The following SLFNL1 variants were observed in gnomAD, a reference collection of about 807,000 sequenced individuals.
SLFNL1 encodes schlafen like 1.
In SLFNL1, 26 loss-of-function variants were observed where a neutral mutation model predicts 32.5. That is an observed-to-expected ratio of 0.80 (90% confidence interval 0.59 to 1.11). The LOEUF is 1.11. Ranked by LOEUF, SLFNL1 falls within the 50% of genes least tolerant of loss-of-function variation. The probability of loss-of-function intolerance (pLI) is 0.00; values close to 1 mark genes in which losing one functional copy is unlikely to be tolerated. For missense variants in SLFNL1, 553 were observed against 546.5 expected (o/e 1.01, Z -0.12); for synonymous variants, 255 against 242.2 (o/e 1.05, Z -0.49).
Position 41,015,996 on chromosome 1 carries a change from C to G in SLFNL1, c.*110G>C. 1 of 1,424,600 alleles carries G rather than the reference C, an allele frequency of 7.0e-7. No individual in the cohort carries two copies. The allele number at this position is 1,424,600 out of a possible 1,614,324, so 88.2% of individuals were successfully genotyped here. A position where few individuals can be genotyped will look rare whatever the true frequency, so the allele number is the denominator to read the frequency against. ...GTGCCATGTTGAAGGAGTCCCTGTC[C>G]GCCTCTCAGCAGCCCGCATGGGCTT... On this transcript the variant is annotated 3_prime_UTR_variant, in exon 6 of 6. Transcript: ENST00000302946.
Position 41,020,687 on chromosome 1 carries a change from C to A in SLFNL1, c.-27G>T. The A allele has an allele frequency of 6.3e-7, 1 of 1,591,658 alleles. No homozygotes were observed. The highest frequency in any genetic ancestry group is 8.6e-7 in the Non-Finnish European group (1 of 1,165,486). On this transcript the variant is annotated 5_prime_UTR_variant, in exon 3 of 6. Transcript: ENST00000302946. ...GGAAGGCTCTCCCTGGGAAGGGGTTCCAGGATTCCTCACTGCTGGCTGCTT... is the reference window on the plus strand; with the variant it reads ...GGAAGGCTCTCCCTGGGAAGGGGTTACAGGATTCCTCACTGCTGGCTGCTT...
rs1643843801 is a variant in SLFNL1, at chr1:41,021,678, A to G, written c.-181T>C. 1 of 152,260 alleles carries G rather than the reference A, an allele frequency of 6.6e-6. No individual in the cohort carries two copies. Among genetic ancestry groups the G allele is most frequent in the African/African-American group, 2.4e-5 (1 of 41,456 alleles). The allele number at this position is 152,260 out of a possible 1,614,324, so 9.4% of individuals were successfully genotyped here. On this transcript the variant is annotated 5_prime_UTR_variant, in exon 1 of 6. An upstream start codon of the reference 5' UTR is lost. Transcript: ENST00000302946. ...TGGGAGGTGCCTGCCCTGAGCTCCCATAGCCTCCCGACCCCTGGCCGGTAG... is the reference window on the plus strand; with the variant it reads ...TGGGAGGTGCCTGCCCTGAGCTCCCGTAGCCTCCCGACCCCTGGCCGGTAG...
At position 41,017,957 on chromosome 1, in the gene SLFNL1, A is replaced by G; in HGVS notation, c.635T>C (p.Leu212Pro). Residue 212 changes from leucine to proline, a missense_variant, in exon 4 of 6, where the codon CTC becomes CCC. By Grantham distance (98) the Leu-to-Pro change is moderately conservative. Coordinates refer to ENST00000302946, the MANE Select transcript of SLFNL1 (RefSeq NM_144990.4). This position sits in a 1 kb window ranked among gnomAD's most constrained non-coding sequence, Gnocchi z 4.9. Reference sequence around the variant, plus strand: ...GCTGCCCAGGAAGGCACCCTGGAAGAGCTGGTCCTTGCCCACGATCTGCTG... The same window carrying G: ...GCTGCCCAGGAAGGCACCCTGGAAGGGCTGGTCCTTGCCCACGATCTGCTG... Reference protein sequence around the residue: ...VHQQIVGKDQLFQGAFLGSET... With the variant: ...VHQQIVGKDQPFQGAFLGSET... 1 of 1,611,944 alleles carries G rather than the reference A, an allele frequency of 6.2e-7. No homozygotes were observed.
At chr1:41,018,572 C>T (rs969321383) in intron 3 of SLFNL1, among the ~76,000 whole-genome samples, 2 of 152,172 alleles carry the variant, frequency 1.3e-5, no homozygotes, top group Admixed American at 1.3e-4. Context: ...GCTGCAGTAC[C>T]CTGAATGGAG....
Position 41,020,262 on chromosome 1 carries a change from T to C in SLFNL1, c.399A>G (p.Leu133=), listed in dbSNP as rs1558208721. 1 of 1,610,084 alleles carries C rather than the reference T, an allele frequency of 6.2e-7. No individual in the cohort carries two copies. Among genetic ancestry groups the C allele is most frequent in the Admixed American group, 1.7e-5 (1 of 59,854 alleles). Residue 133 remains leucine (L), a synonymous_variant, in exon 3 of 6, where the codon CTA becomes CTG. Coordinates refer to ENST00000302946, the MANE Select transcript of SLFNL1 (RefSeq NM_144990.4). ...KELAARGKDL[L]LSEAQGPFSH... ...TGAAGGGCCCTTGGGCCTCACTCAA[T>C]AGCAGGTCCTTCCCACGGGCTGCCA... is the stretch of plus-strand genomic sequence containing the variant.
In SLFNL1 at chr1:41,017,085, G is replaced by A. The variant is rs917574890; in HGVS notation, c.1101+149C>T. The stretch of plus-strand genomic sequence containing the variant: ...CACCTACCCGCGGAGTATGGGATGT[G>A]GTGTGATTGTATTCCAACCCCTTGG... On this transcript the variant is annotated intron_variant, in intron 5 of 5. Coordinates refer to ENST00000302946, the MANE Select transcript of SLFNL1 (RefSeq NM_144990.4). This position sits in a 1 kb window ranked among gnomAD's most constrained non-coding sequence, Gnocchi z 4.9. 55 of 924,890 alleles carry A rather than the reference G, an allele frequency of 5.9e-5. No individual in the cohort carries two copies. The highest frequency in any genetic ancestry group is 6.9e-5 in the Non-Finnish European group (44 of 639,744). 57.3% of individuals were successfully genotyped at this position (924,890 alleles called of 1,614,324 possible).
intron 3 of SLFNL1, 81 bp downstream of exon 3, chr1:41,020,145 C>G: frequency 7.1e-6 from 10 of 1,410,306 alleles, no homozygotes; most frequent in Non-Finnish European, 9.6e-6. Context: ...CCCCTCCATC[C>G]CCACTCTGCA....
Position 41,020,688 on chromosome 1 carries a change from C to T in SLFNL1, c.-28G>A, listed in dbSNP as rs1487331936. On this transcript the variant is annotated 5_prime_UTR_variant, in exon 3 of 6. Transcript: ENST00000302946. ...GAAGGCTCTCCCTGGGAAGGGGTTCCAGGATTCCTCACTGCTGGCTGCTTC... is the reference window on the plus strand; with the variant it reads ...GAAGGCTCTCCCTGGGAAGGGGTTCTAGGATTCCTCACTGCTGGCTGCTTC... The T allele has an allele frequency of 6.3e-7, 1 of 1,589,604 alleles. No individual in the cohort carries two copies. Among genetic ancestry groups the T allele is most frequent in the South Asian group, 1.1e-5 (1 of 88,808 alleles).
Position 41,017,475 on chromosome 1 carries a change from G to A in SLFNL1, c.958-98C>T, listed in dbSNP as rs1643442042. ...CAGCATTGCTCACTGATTCCTTAGGGCAGGCCAGCAGGGCTGGCACAGGGG... is the reference window on the plus strand; with the variant it reads ...CAGCATTGCTCACTGATTCCTTAGGACAGGCCAGCAGGGCTGGCACAGGGG... On this transcript the variant is annotated intron_variant, in intron 4 of 5. Transcript: ENST00000302946. The surrounding 1 kb of genome is among the most constrained non-coding windows in gnomAD (Gnocchi z 4.9). The A allele has an allele frequency of 6.6e-7, 1 of 1,516,422 alleles. No homozygotes were observed. 93.9% of individuals were successfully genotyped at this position (1,516,422 alleles called of 1,614,324 possible). A position where few individuals can be genotyped will look rare whatever the true frequency, so the allele number is the denominator to read the frequency against.
chr1:41,020,562 G>C lies in SLFNL1; in HGVS notation c.99C>G (p.Ser33=), dbSNP rs1397920661. ...CCTCGAGGTCAGAGTACTCCGTCAG[G>C]GACTGCTCTGCGGGTAGCTCCGGCA... ...ESLPELPAEQ[S]LTEYSDLEEA... is the part of the protein sequence containing the mutation. Residue 33 remains serine, a synonymous_variant, in exon 3 of 6, where the codon TCC becomes TCG. Coordinates refer to ENST00000302946, the MANE Select transcript of SLFNL1 (RefSeq NM_144990.4). 6.2e-7 allele frequency: 1 copy of C among 1,613,496 alleles called. No homozygotes were observed. The highest frequency in any genetic ancestry group is 1.3e-5 in the African/African-American group (1 of 75,050).
rs761697983 is a variant in SLFNL1 at position 41,020,400 on chromosome 1, C to T, written c.261G>A (p.Arg87=). Residue 87 remains arginine, a synonymous_variant, in exon 3 of 6, where the codon AGG becomes AGA. Transcript: ENST00000302946. ...PVAREHIEVV[R]RPRKAYALVQ... is the part of the protein sequence containing the mutation. ...CCAGTGCATAGGCCTTCCGCGGCCG[C>T]CTCACCACTTCAATGTGCTCCCGCG... The T allele has an allele frequency of 1.2e-6, 2 of 1,613,184 alleles. No homozygotes were observed. Among genetic ancestry groups the T allele is most frequent in the East Asian group, 2.2e-5 (1 of 44,870 alleles).
Position 41,015,942 on chromosome 1 carries a change from G to C in SLFNL1, c.*164C>G. 1 of 903,158 alleles carries C rather than the reference G, an allele frequency of 1.1e-6. No individual in the cohort carries two copies. The highest frequency in any genetic ancestry group is 1.7e-6 in the Non-Finnish European group (1 of 600,628). 55.9% of individuals were successfully genotyped at this position (903,158 alleles called of 1,614,324 possible). ...CTTGGCTACACAGATGGGTCTGTCA[G>C]GGTTGAAGCCACATGGGTGCCTGCT... On this transcript the variant is annotated 3_prime_UTR_variant, in exon 6 of 6. Coordinates refer to ENST00000302946, the MANE Select transcript of SLFNL1 (RefSeq NM_144990.4).
At chr1:41,016,416 G>C in intron 5 of SLFNL1, 188 bp from the exon 6 acceptor site, 1 of 850,244 alleles carries the variant, frequency 1.2e-6, no homozygotes. Flanking sequence ...GAAGCTGCCG[G>C]CTGCCAGCCA....
chr1:41,017,791 C>A lies in SLFNL1; in HGVS notation c.801G>T (p.Leu267=), dbSNP rs760360436. The A allele has an allele frequency of 1.2e-6, 2 of 1,604,744 alleles. No homozygotes were observed. Among genetic ancestry groups the A allele is most frequent in the East Asian group, 4.5e-5 (2 of 44,666 alleles). ...GGTGGCTGCAGCGGATGCCCTGCAC[C>A]AGGCCGCTGTCCTCTACTCCCACGA... ...SLLVGVEDSG[L]VQGIRCSHRD... is the part of the protein sequence containing the mutation. Residue 267 remains leucine, a synonymous_variant, in exon 4 of 6, where the codon CTG becomes CTT. Transcript: ENST00000302946. This position sits in a 1 kb window ranked among gnomAD's most constrained non-coding sequence, Gnocchi z 4.9.
chr1:41,017,629 G>T lies in SLFNL1; in HGVS notation c.957+6C>A. On this transcript the variant is annotated splice_donor_region_variant and intron_variant, in intron 4 of 5. Transcript: ENST00000302946. This position sits in a 1 kb window ranked among gnomAD's most constrained non-coding sequence, Gnocchi z 4.9. ...GCCCAGAGGCCCTCCTGTCCTGCAG[G>T]CTCACCTTGAGGGGGACGCTGGTCT... The T allele has an allele frequency of 6.6e-7, 1 of 1,520,510 alleles. No individual in the cohort carries two copies. Among genetic ancestry groups the T allele is most frequent in the Non-Finnish European group, 8.8e-7 (1 of 1,132,702 alleles). 94.2% of individuals were successfully genotyped at this position (1,520,510 alleles called of 1,614,324 possible).
At chr1:41,018,801 G>A (rs988393431) in intron 3 of SLFNL1, among the ~76,000 whole-genome samples, 2 of 149,190 alleles carry the variant, frequency 1.3e-5, no homozygotes, top group Non-Finnish European at 3.0e-5. Flanking sequence ...CCTGCTTCCA[G>A]GCTCACCCTT....
chr1:41,019,214 G>A (rs1643631681), intron 3 of SLFNL1, among the ~76,000 whole-genome samples: 1 of 152,082 alleles, frequency 6.6e-6, no homozygotes, highest in Non-Finnish European at 1.5e-5. Flanking sequence ...GGAGACTGAG[G>A]CACCTCCCTA....
rs1289654599 is a variant in SLFNL1, at chr1:41,018,127, G to A, written c.465C>T (p.Gly155=). The change falls in exon 4 of 6, where the codon GGC becomes GGT. Residue 155 remains glycine, a synonymous_variant. Coordinates refer to ENST00000302946, the MANE Select transcript of SLFNL1 (RefSeq NM_144990.4). ...EEKEEEEEDS[G]LSPGPSPGSG... ...AGCCTGGACTGGGGCCAGGGCTCAG[G>A]CCACTGTCCTCCTCCTCCTCCTCCT... The A allele has an allele frequency of 2.0e-6, 3 of 1,519,726 alleles. No homozygotes were observed. The highest frequency in any genetic ancestry group is 2.7e-6 in the Non-Finnish European group (3 of 1,126,850). The allele number at this position is 1,519,726 out of a possible 1,614,324, so 94.1% of individuals were successfully genotyped here. A position where few individuals can be genotyped will look rare whatever the true frequency, so the allele number is the denominator to read the frequency against.
At position 41,020,225 on chromosome 1, in the gene SLFNL1, C is replaced by G. The variant is rs752460714; in HGVS notation, c.435+1G>C. On this transcript the variant is annotated splice_donor_variant, in intron 3 of 5. Coordinates refer to ENST00000302946, the MANE Select transcript of SLFNL1 (RefSeq NM_144990.4). LOFTEE classifies it high-confidence loss of function. ...GCTTGCTTGGGAAAAGTCCCACTTA[C>G]CTCTCTGTGGCTGAAGGGCCCTTGG... 2.5e-6 allele frequency: 4 copies of G among 1,580,702 alleles called. No individual in the cohort carries two copies. Among genetic ancestry groups the G allele is most frequent in the East Asian group, 2.2e-5 (1 of 44,550 alleles).
Sources: allele counts gnomAD v4.1 joint callset (sites outside exome capture counted in the v4.1 genomes callset), GRCh38; gene constraint gnomAD v4.1.1; non-coding constraint Gnocchi (gnomAD v3.1); transcripts MANE v1.5; gene names NCBI Gene and HGNC (gene_info 2026-07-23, HGNC 2026-07-21).